The following PRKG1 variants were observed in gnomAD, a reference collection of about 807,000 sequenced individuals.
PRKG1 encodes the protein protein kinase cGMP-dependent 1.
A neutral mutation model predicts 88.1 loss-of-function variants in PRKG1; 35 were observed. That is an observed-to-expected ratio of 0.40 (90% CI 0.30 to 0.53). PRKG1 has a LOEUF of 0.53. Ranked by LOEUF, PRKG1 falls within the 20% of genes least tolerant of loss-of-function variation. The pLI, the probability that PRKG1 is intolerant of heterozygous loss-of-function variation, is 0.59. For missense variants in PRKG1, 540 were observed against 839.8 expected, an observed-to-expected ratio of 0.64 and a Z score of 4.41; for synonymous variants, 303 against 292.5, an observed-to-expected ratio of 1.04 and a Z score of -0.37.
intron 3 of PRKG1, among the ~76,000 whole-genome samples, chr10:51,754,062 C>T (rs1453890483): frequency 6.6e-6 from 1 of 151,986 alleles, no homozygotes; most frequent in Admixed American, 6.6e-5. Flanking sequence ...GAGTCATTAG[C>T]TCCTTTCTTC....
intron 5 of PRKG1, among the ~76,000 whole-genome samples, chr10:51,939,253 T>G (rs527268809): frequency 6.6e-6 from 1 of 152,174 alleles, no homozygotes; most frequent in East Asian, 1.9e-4. Flanking sequence ...ATTGCTACAA[T>G]AGCTATAGCA....
chr10:51,659,856 CA>C (rs1242316662), intron 3 of PRKG1, among the ~76,000 whole-genome samples: 1 of 151,914 alleles, frequency 6.6e-6, no homozygotes, highest in Non-Finnish European at 1.5e-5. Flanking sequence ...CAGTGCTGAC[CA>C]GTAGAAATAT....
chr10:51,392,276 C>A (rs949926589), intron 2 of PRKG1, among the ~76,000 whole-genome samples: 1 of 151,814 alleles, frequency 6.6e-6, no homozygotes, highest in Non-Finnish European at 1.5e-5. Context: ...GAGGACCCTG[C>A]GGCCTTCCGC....
intron 5 of PRKG1, among the ~76,000 whole-genome samples, chr10:52,045,512 A>G (rs1256897047): frequency 9.9e-5 from 15 of 152,104 alleles, no homozygotes; most frequent in Non-Finnish European, 1.5e-5. Context: ...CAGGGTTGTT[A>G]TGACATAAAG....
rs557766782 is a variant in PRKG1 at position 51,736,260 on chromosome 10, TA to T, written c.593-68318del. Among the ~76,000 whole-genome samples the T allele has an allele frequency of 2.3e-3, 345 of 152,112 alleles. 1 individual carries two copies. The highest frequency in any genetic ancestry group is 7.6e-3 in the African/African-American group (316 of 41,530). Reference sequence around the variant, plus strand: ...TAGTGTCATCTGGCATTGGCTACTTTAAAAAAATTATTTATTATCATTATTA... The same window carrying T: ...TAGTGTCATCTGGCATTGGCTACTTTAAAAAATTATTTATTATCATTATTA... On this transcript the variant is annotated intron_variant, in intron 3 of 17. Transcript: ENST00000373980.
chr10:51,063,364 C>A (rs1162414457), intron 1 of PRKG1, among the ~76,000 whole-genome samples: 2 of 152,138 alleles, frequency 1.3e-5, no homozygotes, highest in Non-Finnish European at 2.9e-5. Context: ...CTATTACACA[C>A]CCAGACTATA....
At position 51,575,788 on chromosome 10, in the gene PRKG1, A is replaced by T. The variant is rs182749780; in HGVS notation, c.592+107952A>T. ...CTTTGAGAATGGAGCCATTTTAGAG[A>T]CCTATAATATATTAATTCTAATACA... is the stretch of plus-strand genomic sequence containing the variant. On this transcript the variant is annotated intron_variant, in intron 3 of 17. Coordinates refer to ENST00000373980, the MANE Select transcript of PRKG1 (RefSeq NM_006258.4). Among the ~76,000 whole-genome samples, 25 of 151,970 alleles carry T rather than the reference A, an allele frequency of 1.6e-4. No homozygotes were observed. The East Asian group carries it at 3.1e-3, about 19-fold the overall frequency.
At chr10:51,115,112 G>C (rs1373454560) in intron 1 of PRKG1, among the ~76,000 whole-genome samples, 1 of 151,336 alleles carries the variant, frequency 6.6e-6, no homozygotes, top group African/African-American at 2.4e-5. Flanking sequence ...TCAGGAGTTC[G>C]AGACTAGCCT....
At chr10:52,071,705 C>A (rs899161649) in intron 7 of PRKG1, among the ~76,000 whole-genome samples, 1 of 151,976 alleles carries the variant, frequency 6.6e-6, no homozygotes, top group African/African-American at 2.4e-5. Context: ...TTATTTTCTA[C>A]CACATACCCA....
intron 7 of PRKG1, among the ~76,000 whole-genome samples, chr10:52,083,802 C>T (rs1273225307): frequency 6.6e-6 from 1 of 151,828 alleles, no homozygotes; most frequent in Non-Finnish European, 1.5e-5. Context: ...TTATGTTAAA[C>T]CTGAGTGTAA....
At chr10:51,453,946 C>G (rs1486173239) in intron 2 of PRKG1, among the ~76,000 whole-genome samples, 1 of 152,020 alleles carries the variant, frequency 6.6e-6, no homozygotes, top group African/African-American at 2.4e-5. Context: ...CTGCTATACA[C>G]CAACAGTGAC....
chr10:52,245,551 T>C (rs1224822204), intron 9 of PRKG1, among the ~76,000 whole-genome samples: 5 of 152,066 alleles, frequency 3.3e-5, no homozygotes, highest in Non-Finnish European at 5.9e-5. Flanking sequence ...TCTTACCTAC[T>C]ACAGTTATGG....
chr10:51,274,308 T>C (rs1205946807), intron 2 of PRKG1, among the ~76,000 whole-genome samples: 1 of 152,202 alleles, frequency 6.6e-6, no homozygotes, highest in African/African-American at 2.4e-5. Context: ...TGTAGACTTC[T>C]GAGAACTTGT....
chr10:52,175,823 C>T (rs867147545), intron 9 of PRKG1, among the ~76,000 whole-genome samples: 22 of 152,060 alleles, frequency 1.4e-4, no homozygotes, highest in African/African-American at 4.8e-4. Flanking sequence ...AAATCCTTTG[C>T]CCATTTTTTA....
intron 5 of PRKG1, among the ~76,000 whole-genome samples, chr10:52,035,788 T>C: frequency 6.6e-6 from 1 of 151,350 alleles, no homozygotes; most frequent in East Asian, 1.9e-4. Context: ...CTGTAGAGAG[T>C]GAGTTGAGCA....
chr10:52,143,486 G>C (rs2132653892), intron 8 of PRKG1, among the ~76,000 whole-genome samples: 1 of 152,270 alleles, frequency 6.6e-6, no homozygotes, highest in South Asian at 2.1e-4. Context: ...ATCACCCCCT[G>C]TTAGGAAGGA....
intron 3 of PRKG1, among the ~76,000 whole-genome samples, chr10:51,768,631 T>A (rs1311023562): frequency 1.3e-5 from 2 of 152,086 alleles, no homozygotes; most frequent in African/African-American, 2.4e-5. Flanking sequence ...AATCTTGGGA[T>A]TTTTTTACCC....
intron 4 of PRKG1, among the ~76,000 whole-genome samples, chr10:51,847,456 A>T (rs1266359454): frequency 2.6e-5 from 4 of 152,076 alleles, no homozygotes; most frequent in Non-Finnish European, 4.4e-5. Flanking sequence ...TTTATATCTA[A>T]ATGTGATGAC....
At chr10:51,341,309 A>AT (rs1784820055) in intron 2 of PRKG1, among the ~76,000 whole-genome samples, 2 of 152,198 alleles carry the variant, frequency 1.3e-5, no homozygotes, top group South Asian at 4.1e-4. Context: ...TTGAGGTTTT[A>AT]TATTGTAAAA....
Sources: allele counts gnomAD v4.1 joint callset (sites outside exome capture counted in the v4.1 genomes callset), GRCh38; gene constraint gnomAD v4.1.1; transcripts MANE v1.5; gene names NCBI Gene and HGNC (gene_info 2026-07-23, HGNC 2026-07-21).